PLEKHM3: variants seen among roughly 807,000 people sequenced by gnomAD.
PLEKHM3 encodes the protein pleckstrin homology domain-containing family M member 3.
PLEKHM3 carries 45 observed loss-of-function variants against 81.8 expected under a neutral mutation model. That is an observed-to-expected ratio of 0.55 (90% CI 0.43 to 0.71). The LOEUF (loss-of-function observed/expected upper bound fraction) is 0.71, where lower values mean the gene tolerates loss of function less well. Ranked by LOEUF, PLEKHM3 falls within the 30% of genes least tolerant of loss-of-function variation. The probability of loss-of-function intolerance (pLI) is 0.00; values close to 1 mark genes in which losing one functional copy is unlikely to be tolerated. For synonymous variants in PLEKHM3, 352 were observed against 356.4 expected (o/e 0.99, Z 0.14); for missense variants, 788 against 924.3 (o/e 0.85, Z 1.91).
At chr2:208,011,165 T>C (rs1454168036) in intron 1 of PLEKHM3, among the ~76,000 whole-genome samples, 4 of 151,576 alleles carry the variant, frequency 2.6e-5, no homozygotes, top group African/African-American at 4.8e-5. Flanking sequence ...ACAGCCACCA[T>C]GGAAAATAGT....
intron 7 of PLEKHM3, among the ~76,000 whole-genome samples, chr2:207,830,496 C>T (rs1180118073): frequency 1.3e-5 from 2 of 151,698 alleles, no homozygotes. Flanking sequence ...GCCTGTAATC[C>T]CAGCTACTCG....
At position 207,941,775 on chromosome 2, in the gene PLEKHM3, A is replaced by C. The variant is rs190447157; in HGVS notation, c.1692+4592T>G. Reference sequence around the variant, plus strand: ...ATAAGCAACTCAACCCAGTAGCAACAAAAATAAATCTTATTTTAAAACGAG... The same window carrying C: ...ATAAGCAACTCAACCCAGTAGCAACCAAAATAAATCTTATTTTAAAACGAG... On this transcript the variant is annotated intron_variant, in intron 4 of 7. Coordinates refer to ENST00000427836, the MANE Select transcript of PLEKHM3 (RefSeq NM_001080475.3). Among the ~76,000 whole-genome samples the C allele has an allele frequency of 3.9e-5, 6 of 152,390 alleles. No homozygotes were observed. In the East Asian group the frequency reaches 1.2e-3, roughly 29 times the overall value.
At chr2:207,830,775 C>T (rs1009160757) in intron 7 of PLEKHM3, among the ~76,000 whole-genome samples, 2 of 152,078 alleles carry the variant, frequency 1.3e-5, no homozygotes, top group South Asian at 2.1e-4. Context: ...TCAGAGGCAG[C>T]GCCCTGTGGG....
At chr2:208,016,595 A>G (rs991900861) in intron 1 of PLEKHM3, among the ~76,000 whole-genome samples, 1 of 148,942 alleles carries the variant, frequency 6.7e-6, no homozygotes. Context: ...GATTGCAGTG[A>G]GCCGAGACCG....
intron 2 of PLEKHM3, among the ~76,000 whole-genome samples, chr2:207,986,977 C>A (rs1691746411): frequency 6.6e-6 from 1 of 151,900 alleles, no homozygotes; most frequent in African/African-American, 2.4e-5. Flanking sequence ...ACTACACTCG[C>A]CCTCCATCAA....
chr2:207,982,725 C>G (rs1443818941), intron 2 of PLEKHM3, among the ~76,000 whole-genome samples: 1 of 151,728 alleles, frequency 6.6e-6, no homozygotes, highest in African/African-American at 2.4e-5. Context: ...ATTAGAGGTG[C>G]CTGCCACCAT....
At chr2:207,975,582 C>CTTTTTTTTTTT (rs11350409) in intron 3 of PLEKHM3, among the ~76,000 whole-genome samples, 1 of 63,008 alleles carries the variant, frequency 1.6e-5, no homozygotes, top group African/African-American at 6.6e-5. Context: ...GTTTTAAAAG[C>CTTTTTTTTTTT]TTTTTTTTTT....
chr2:207,880,976 T>C (rs2092588668), intron 6 of PLEKHM3, among the ~76,000 whole-genome samples: 1 of 151,610 alleles, frequency 6.6e-6, no homozygotes, highest in African/African-American at 2.4e-5. Flanking sequence ...TAGGTAATTG[T>C]ATCCAGAACT....
chr2:207,853,018 T>C (rs981635491), intron 7 of PLEKHM3, among the ~76,000 whole-genome samples: 8 of 152,154 alleles, frequency 5.3e-5, no homozygotes, highest in African/African-American at 1.2e-4. Flanking sequence ...CACGCTTTCA[T>C]AGAACTGCCT....
At chr2:207,908,458 C>T in intron 6 of PLEKHM3, 56 bp downstream of exon 6, 1 of 1,520,164 alleles carries the variant, frequency 6.6e-7, no homozygotes, top group Non-Finnish European at 9.0e-7. Context: ...CCAAAGTCAA[C>T]AAAGAGACTT....
intron 6 of PLEKHM3, among the ~76,000 whole-genome samples, chr2:207,865,801 A>AAAAAAAAAAAAAAAATAT: frequency 2.4e-4 from 6 of 25,288 alleles, no homozygotes; most frequent in Non-Finnish European, 3.8e-4. Context: ...AAAAAAAAAA[A>AAAAAAAAAAAAAAAATAT]AGATATATAT....
intron 3 of PLEKHM3, among the ~76,000 whole-genome samples, chr2:207,973,727 G>A (rs1408771274): frequency 2.6e-5 from 4 of 151,304 alleles, no homozygotes; most frequent in Admixed American, 2.0e-4. Context: ...CAACGAGAGC[G>A]AAACTCCATC....
chr2:208,014,695 T>A (rs914862753), intron 1 of PLEKHM3, among the ~76,000 whole-genome samples: 1 of 152,230 alleles, frequency 6.6e-6, no homozygotes, highest in East Asian at 1.9e-4. Context: ...CTAATCTGGG[T>A]TTACATTAAA....
chr2:207,968,024 A>G (rs2106011253), intron 3 of PLEKHM3, among the ~76,000 whole-genome samples: 1 of 152,084 alleles, frequency 6.6e-6, no homozygotes, highest in South Asian at 2.1e-4. Flanking sequence ...CTTGAGTAAA[A>G]CTGCAAATTA....
intron 1 of PLEKHM3, among the ~76,000 whole-genome samples, chr2:208,022,934 T>C: frequency 6.6e-6 from 1 of 152,208 alleles, no homozygotes; most frequent in Admixed American, 6.5e-5. Context: ...TTGTTTGTGT[T>C]CTTTATAATT....
chr2:208,017,123 T>C (rs1308746079), intron 1 of PLEKHM3, among the ~76,000 whole-genome samples: 4 of 152,224 alleles, frequency 2.6e-5, no homozygotes, highest in Admixed American at 2.0e-4. Flanking sequence ...AATTTTTTTT[T>C]CCTAATATTT....
intron 5 of PLEKHM3, among the ~76,000 whole-genome samples, chr2:207,918,409 T>C (rs1391955828): frequency 1.3e-5 from 2 of 151,874 alleles, no homozygotes; most frequent in Admixed American, 6.6e-5. Flanking sequence ...GTAGTCCCAG[T>C]TACTCAGGAG....
intron 5 of PLEKHM3, among the ~76,000 whole-genome samples, chr2:207,925,410 C>T (rs1351205145): frequency 6.6e-6 from 1 of 152,172 alleles, no homozygotes; most frequent in Non-Finnish European, 1.5e-5. Context: ...CTGTTCACCT[C>T]CTGGCTCCTC....
chr2:208,011,831 C>T (rs191432436), intron 1 of PLEKHM3, among the ~76,000 whole-genome samples: 2,021 of 102,956 alleles, frequency 0.02, 58 homozygotes, highest in African/African-American at 0.073. Context: ...GAGCTTCACT[C>T]TTGTTGCCCA....
Sources: gnomAD v4.1 joint callset for allele counts (sites outside exome capture counted in the v4.1 genomes callset) on GRCh38, gnomAD v4.1.1 for gene constraint, MANE v1.5 for transcripts, NCBI Gene and HGNC (gene_info 2026-07-23, HGNC 2026-07-21) for gene names.